The following RBMS3 variants were observed in gnomAD, a reference collection of about 807,000 sequenced individuals.
RBMS3 encodes RNA binding motif single stranded interacting protein 3, also known as RNA-binding motif, single-stranded-interacting protein 3.
Under a neutral mutation model 66.8 loss-of-function variants are expected in RBMS3, and 27 were observed. The observed-to-expected ratio is 0.40, with a 90% CI of 0.30 to 0.56. The LOEUF (loss-of-function observed/expected upper bound fraction) is 0.56. RBMS3 is among the 20% of genes least tolerant of loss of function. The pLI is 0.40. For synonymous variants in RBMS3, 188 were observed against 183.0 expected (o/e 1.03, Z -0.22); for missense variants, 513 against 549.5 (o/e 0.93, Z 0.66).
At chr3:29,794,650 A>G (rs984350435) in intron 6 of RBMS3, among the ~76,000 whole-genome samples, 1 of 152,188 alleles carries the variant, frequency 6.6e-6, no homozygotes, top group Admixed American at 6.5e-5. Flanking sequence ...ATGAATGTAA[A>G]TGGGTGTTCA....
intron 12 of RBMS3, among the ~76,000 whole-genome samples, chr3:29,986,277 A>G (rs777154649): frequency 2.0e-5 from 3 of 152,206 alleles, no homozygotes; most frequent in Non-Finnish European, 4.4e-5. Context: ...TTGAGATTCA[A>G]TTAAAGAAAC....
chr3:29,628,906 G>A (rs543913264), intron 4 of RBMS3, among the ~76,000 whole-genome samples: 1 of 152,112 alleles, frequency 6.6e-6, no homozygotes, highest in African/African-American at 2.4e-5. Context: ...AATTGTCATT[G>A]TCCATGTGTT....
At position 29,378,506 on chromosome 3, in the gene RBMS3, C is replaced by A. The variant is rs1472109687; in HGVS notation, c.76-56237C>A. On this transcript the variant is annotated intron_variant, in intron 1 of 14. Coordinates refer to ENST00000383767, the MANE Select transcript of RBMS3 (RefSeq NM_001003793.3). ...AAACATTAAAAAAAAAAACAAAAAA[C>A]AACTGTCTATTTCATAGAGGTATTG... Among the ~76,000 whole-genome samples, 159 of 136,512 alleles carry A rather than the reference C, an allele frequency of 1.2e-3. 1 individual carries two copies. In the South Asian group the frequency reaches 0.014, roughly 12 times the overall value. The allele number at this position is 136,512 out of a possible 152,430, so 89.6% of individuals were successfully genotyped here.
chr3:29,728,064 G>C (rs1189548985), intron 4 of RBMS3, among the ~76,000 whole-genome samples: 1 of 152,150 alleles, frequency 6.6e-6, no homozygotes, highest in East Asian at 1.9e-4. Flanking sequence ...CGGGGACATG[G>C]ATGAAGCTGG....
At chr3:29,452,654 A>G (rs1223252935) in intron 2 of RBMS3, among the ~76,000 whole-genome samples, 2 of 152,174 alleles carry the variant, frequency 1.3e-5, no homozygotes, top group Non-Finnish European at 2.9e-5. Context: ...AGCCACAGGA[A>G]TCAGTTATTA....
intron 1 of RBMS3, among the ~76,000 whole-genome samples, chr3:29,421,982 G>A (rs1237430959): frequency 6.6e-6 from 1 of 152,186 alleles, no homozygotes; most frequent in Non-Finnish European, 1.5e-5. Context: ...TAGGATTTAT[G>A]TGATAATAAT....
chr3:29,667,742 G>C (rs897252498), intron 4 of RBMS3, among the ~76,000 whole-genome samples: 1 of 151,892 alleles, frequency 6.6e-6, no homozygotes, highest in African/African-American at 2.4e-5. Context: ...TCTTTCTCTG[G>C]CTTTTGTTTT....
At chr3:29,729,354 A>G (rs1158317228) in intron 4 of RBMS3, among the ~76,000 whole-genome samples, 1 of 152,104 alleles carries the variant, frequency 6.6e-6, no homozygotes. Context: ...TCCATGGTGT[A>G]TATGTGCCAC....
At chr3:29,808,419 A>C (rs2057624932) in intron 6 of RBMS3, among the ~76,000 whole-genome samples, 1 of 151,964 alleles carries the variant, frequency 6.6e-6, no homozygotes, top group African/African-American at 2.4e-5. Flanking sequence ...GAAATCTCTC[A>C]CCTTCTAAAG....
chr3:29,901,680 C>A (rs889533594), intron 10 of RBMS3, among the ~76,000 whole-genome samples: 8 of 151,650 alleles, frequency 5.3e-5, no homozygotes, highest in African/African-American at 1.9e-4. Context: ...TTAGATTTTC[C>A]TTGCTGTGGC....
At chr3:29,981,971 A>G (rs1018351283) in intron 12 of RBMS3, among the ~76,000 whole-genome samples, 2 of 151,730 alleles carry the variant, frequency 1.3e-5, no homozygotes, top group African/African-American at 2.4e-5. Context: ...CTCTTTTTCT[A>G]TTGTTTGGAA....
In RBMS3 at chr3:29,460,247, C is replaced by T. The variant is rs2042329682; in HGVS notation, c.248+25332C>T. On this transcript the variant is annotated intron_variant, in intron 2 of 14. Transcript: ENST00000383767. ...CAATAGTACAGAGTTTTTCAAAGTG[C>T]CAGTTGCAATCAGTGGGTAGTGATT... Among the ~76,000 whole-genome samples, 4 of 152,180 alleles carry T rather than the reference C, an allele frequency of 2.6e-5. No homozygotes were observed. In the South Asian group the frequency reaches 6.2e-4, roughly 24 times the overall value.
intron 4 of RBMS3, chr3:29,616,454 C>G (rs2048677719): frequency 1.3e-5 from 2 of 155,684 alleles, no homozygotes; most frequent in Non-Finnish European, 2.8e-5. Flanking sequence ...CCACTGCACT[C>G]CAGACTGGGC....
At chr3:29,960,231 A>G (rs1388564148) in intron 12 of RBMS3, among the ~76,000 whole-genome samples, 1 of 152,154 alleles carries the variant, frequency 6.6e-6, no homozygotes, top group East Asian at 1.9e-4. Flanking sequence ...GGGACTACAG[A>G]CCCCATGAAA....
At chr3:29,884,417 C>A (rs1185458967) in intron 8 of RBMS3, among the ~76,000 whole-genome samples, 6 of 113,840 alleles carry the variant, frequency 5.3e-5, no homozygotes, top group Non-Finnish European at 8.7e-5. Context: ...CCACATTAAA[C>A]CCTGTTCTCT....
At chr3:29,587,408 C>T (rs2149094404) in intron 4 of RBMS3, among the ~76,000 whole-genome samples, 1 of 151,758 alleles carries the variant, frequency 6.6e-6, no homozygotes, top group Non-Finnish European at 1.5e-5. Context: ...AAGTAAGAAA[C>T]TCCACATTAG....
intron 7 of RBMS3, among the ~76,000 whole-genome samples, chr3:29,874,192 C>T (rs1033441206): frequency 3.3e-5 from 5 of 152,102 alleles, no homozygotes; most frequent in African/African-American, 7.2e-5. Flanking sequence ...TTTCTATTAG[C>T]TTTGAAGGCA....
chr3:29,674,737 C>CAAAAAAAAAAAAA (rs149403305), intron 4 of RBMS3, among the ~76,000 whole-genome samples: 1 of 100,912 alleles, frequency 9.9e-6, no homozygotes, highest in Non-Finnish European at 2.0e-5. Context: ...ACCACTGCTC[C>CAAAAAAAAAAAAA]AAAAAAAAAA....
At chr3:29,945,408 T>C (rs1437936911) in intron 12 of RBMS3, among the ~76,000 whole-genome samples, 1 of 151,702 alleles carries the variant, frequency 6.6e-6, no homozygotes, top group Admixed American at 6.6e-5. Flanking sequence ...TGAGGAAGAA[T>C]ACGTTAGCAT....
Sources: gnomAD v4.1 joint callset for allele counts (sites outside exome capture counted in the v4.1 genomes callset) on GRCh38, gnomAD v4.1.1 for gene constraint, MANE v1.5 for transcripts, NCBI Gene and HGNC (gene_info 2026-07-23, HGNC 2026-07-21) for gene names.